The following SPOCK3 variants were observed in gnomAD, a reference collection of about 807,000 sequenced individuals.
SPOCK3 encodes the protein SPARC (osteonectin), cwcv and kazal like domains proteoglycan 3, also known as testican-3.
A neutral mutation model predicts 56.6 loss-of-function variants in SPOCK3; 30 were observed. That is an observed-to-expected ratio of 0.53 (90% CI 0.40 to 0.72). SPOCK3 has a LOEUF of 0.72. Among genes scored for constraint, SPOCK3 ranks in the 30% least tolerant of loss-of-function variants. The pLI, the probability that SPOCK3 is intolerant of heterozygous loss-of-function variation, is 0.00. For synonymous variants in SPOCK3, 196 were observed against 183.3 expected (o/e 1.07, Z -0.56); for missense variants, 527 against 530.0 (o/e 0.99, Z 0.06).
At chr4:166,993,300 A>T (rs147521954) in intron 4 of SPOCK3, among the ~76,000 whole-genome samples, 1 of 152,120 alleles carries the variant, frequency 6.6e-6, no homozygotes, top group Non-Finnish European at 1.5e-5. Context: ...AAAAATTGAC[A>T]TCCCTTGAGG....
intron 8 of SPOCK3, among the ~76,000 whole-genome samples, chr4:166,746,197 G>C (rs1461425601): frequency 4.6e-5 from 7 of 152,058 alleles, no homozygotes; most frequent in African/African-American, 9.7e-5. Context: ...CTTCTCAGAA[G>C]CACATCACAC....
intron 6 of SPOCK3, among the ~76,000 whole-genome samples, chr4:166,872,146 G>T (rs2126949382): frequency 6.6e-6 from 1 of 151,402 alleles, no homozygotes; most frequent in South Asian, 2.1e-4. Context: ...TTCAGAACAA[G>T]AAAAATATCC....
intron 3 of SPOCK3, among the ~76,000 whole-genome samples, chr4:167,010,349 A>G (rs1749909455): frequency 6.6e-6 from 1 of 151,826 alleles, no homozygotes; most frequent in Non-Finnish European, 1.5e-5. Context: ...GGAAAAACCC[A>G]TCTCTACAAA....
chr4:166,928,750 C>T (rs1282323108), intron 4 of SPOCK3, among the ~76,000 whole-genome samples: 1 of 152,094 alleles, frequency 6.6e-6, no homozygotes, highest in Non-Finnish European at 1.5e-5. Context: ...GCGGGCGGAT[C>T]GTGAGGTCAG....
intron 7 of SPOCK3, among the ~76,000 whole-genome samples, chr4:166,789,090 T>G (rs1056634789): frequency 5.9e-5 from 9 of 152,090 alleles, no homozygotes; most frequent in African/African-American, 1.9e-4. Context: ...TATCAGAATA[T>G]TTTTCTCTGC....
At chr4:167,030,371 C>T (rs1285893124) in intron 3 of SPOCK3, among the ~76,000 whole-genome samples, 1 of 151,938 alleles carries the variant, frequency 6.6e-6, no homozygotes, top group Admixed American at 6.6e-5. Flanking sequence ...ATATTTTGTT[C>T]AATTGCTTGT....
chr4:167,025,981 G>C (rs575412746), intron 3 of SPOCK3, among the ~76,000 whole-genome samples: 1 of 152,124 alleles, frequency 6.6e-6, no homozygotes, highest in South Asian at 2.1e-4. Flanking sequence ...GTAACACAAT[G>C]GTAAGAATGT....
chr4:166,740,950 A>T (rs576559120), intron 9 of SPOCK3, among the ~76,000 whole-genome samples: 2 of 152,340 alleles, frequency 1.3e-5, no homozygotes, highest in African/African-American at 4.8e-5. Flanking sequence ...TTTTATTACA[A>T]AACATTAAAC....
rs551381984 is a variant in SPOCK3, at chr4:167,060,055, G to A, written c.235+2437C>T. Reference sequence around the variant, plus strand: ...TTAGGAGATATACCTAATGCTAAATGACGAGTTAATGGGTGCAGCACACCA... The same window carrying A: ...TTAGGAGATATACCTAATGCTAAATAACGAGTTAATGGGTGCAGCACACCA... On this transcript the variant is annotated intron_variant, in intron 3 of 10. Transcript: ENST00000357545. 2.0e-5 allele frequency among the ~76,000 whole-genome samples: 3 copies of A among 151,464 alleles called. No homozygotes were observed. The East Asian group carries it at 5.8e-4, about 30-fold the overall frequency.
chr4:167,195,612 G>A (rs1275119990), intron 2 of SPOCK3, among the ~76,000 whole-genome samples: 3 of 152,178 alleles, frequency 2.0e-5, no homozygotes, highest in Non-Finnish European at 2.9e-5. Flanking sequence ...AGTATTTACT[G>A]TGGAACCAAG....
At chr4:167,232,624 C>T (rs1181233500) in intron 2 of SPOCK3, among the ~76,000 whole-genome samples, 1 of 152,072 alleles carries the variant, frequency 6.6e-6, no homozygotes, top group Non-Finnish European at 1.5e-5. Context: ...TGCTTGTACT[C>T]AATATTGGTG....
chr4:167,111,066 T>A (rs568119652), intron 2 of SPOCK3, among the ~76,000 whole-genome samples: 1 of 152,140 alleles, frequency 6.6e-6, no homozygotes, highest in African/African-American at 2.4e-5. Flanking sequence ...TATAAAATAA[T>A]TGATGTGTTA....
At chr4:167,138,453 A>T (rs181355513) in intron 2 of SPOCK3, among the ~76,000 whole-genome samples, 1 of 152,010 alleles carries the variant, frequency 6.6e-6, no homozygotes, top group African/African-American at 2.4e-5. Context: ...TTAGAGGTGA[A>T]TGAAAAACAA....
chr4:167,223,767 T>A (rs1323215908), intron 2 of SPOCK3, among the ~76,000 whole-genome samples: 1 of 152,144 alleles, frequency 6.6e-6, no homozygotes, highest in African/African-American at 2.4e-5. Context: ...TTGGGCAATA[T>A]AGCCAGTCCT....
intron 3 of SPOCK3, among the ~76,000 whole-genome samples, chr4:167,044,561 C>A (rs558665389): frequency 1.3e-5 from 2 of 152,086 alleles, no homozygotes; most frequent in African/African-American, 4.8e-5. Context: ...GTATAAACTT[C>A]TTTGTAAGCA....
chr4:167,111,294 A>C (rs1235371986), intron 2 of SPOCK3, among the ~76,000 whole-genome samples: 1 of 152,116 alleles, frequency 6.6e-6, no homozygotes, highest in Non-Finnish European at 1.5e-5. Context: ...CCGCGGACTC[A>C]AGAACATATT....
intron 2 of SPOCK3, among the ~76,000 whole-genome samples, chr4:167,200,533 C>A (rs1039761969): frequency 6.6e-6 from 1 of 151,676 alleles, no homozygotes; most frequent in Non-Finnish European, 1.5e-5. Flanking sequence ...ACATTTCAAA[C>A]CTAAGCATTT....
At chr4:167,205,316 TTA>T (rs1281923306) in intron 2 of SPOCK3, among the ~76,000 whole-genome samples, 19 of 36,462 alleles carry the variant, frequency 5.2e-4, no homozygotes, top group Middle Eastern at 0.014. Context: ...ATTATATATT[TTA>T]TATATATAAT....
intron 3 of SPOCK3, among the ~76,000 whole-genome samples, chr4:167,035,402 GTAAGA>G (rs1033082566): frequency 2.0e-4 from 31 of 151,866 alleles, no homozygotes; most frequent in African/African-American, 7.0e-4. Context: ...ATAATGTAAT[GTAAGA>G]TGTGATGAAA....
Sources: allele counts gnomAD v4.1 joint callset (sites outside exome capture counted in the v4.1 genomes callset), GRCh38; gene constraint gnomAD v4.1.1; transcripts MANE v1.5; gene names NCBI Gene and HGNC (gene_info 2026-07-23, HGNC 2026-07-21).